CADM1: variants seen among roughly 807,000 people sequenced by gnomAD.
CADM1 encodes the protein cell adhesion molecule 1.
A neutral mutation model predicts 53.1 loss-of-function variants in CADM1; 15 were observed. The ratio of observed to expected loss-of-function variants is 0.28; its 90% confidence interval spans 0.19 to 0.44. The LOEUF (loss-of-function observed/expected upper bound fraction) is 0.44. CADM1 is among the 20% of genes least tolerant of loss of function. The probability of loss-of-function intolerance (pLI) is 1.00; values close to 1 mark genes in which losing one functional copy is unlikely to be tolerated. For missense variants in CADM1, 434 were observed against 611.3 expected (o/e 0.71, Z 3.06); for synonymous variants, 281 against 243.0 (o/e 1.16, Z -1.45).
At chr11:115,381,637 T>C (rs1036355698) in intron 1 of CADM1, among the ~76,000 whole-genome samples, 9 of 152,164 alleles carry the variant, frequency 5.9e-5, no homozygotes, top group Admixed American at 5.9e-4. Context: ...ATTCGGTTGT[T>C]ATAGGGATTA....
At chr11:115,257,971 T>C (rs1024810243) in intron 1 of CADM1, among the ~76,000 whole-genome samples, 1 of 152,202 alleles carries the variant, frequency 6.6e-6, no homozygotes, top group Admixed American at 6.5e-5. Context: ...CCAGGGTCTA[T>C]GCTCTGAGAA....
intron 2 of CADM1, among the ~76,000 whole-genome samples, chr11:115,238,929 C>G (rs1376028441): frequency 6.6e-6 from 1 of 151,984 alleles, no homozygotes; most frequent in African/African-American, 2.4e-5. Flanking sequence ...TCTAACTTGG[C>G]ACAATTCCAA....
intron 1 of CADM1, among the ~76,000 whole-genome samples, chr11:115,401,957 A>C (rs1206394009): frequency 6.6e-6 from 1 of 152,216 alleles, no homozygotes; most frequent in African/African-American, 2.4e-5. Context: ...GCTACAAAAA[A>C]TTAAGTCTTT....
intron 1 of CADM1, among the ~76,000 whole-genome samples, chr11:115,474,426 T>C (rs1003634032): frequency 1.3e-5 from 2 of 150,142 alleles, no homozygotes; most frequent in African/African-American, 4.9e-5. Context: ...CTATTCACAA[T>C]AGCAAAGACT....
intron 1 of CADM1, among the ~76,000 whole-genome samples, chr11:115,244,670 A>T (rs182128227): frequency 1.1e-4 from 17 of 152,178 alleles, no homozygotes; most frequent in Admixed American, 1.1e-3. Flanking sequence ...CACAGCTTGC[A>T]CTCTTTACCA....
chr11:115,454,048 T>C (rs1213527016), intron 1 of CADM1, among the ~76,000 whole-genome samples: 12 of 151,834 alleles, frequency 7.9e-5, no homozygotes, highest in Admixed American at 7.9e-4. Context: ...AAAATGTTCT[T>C]TAAAAAAAAA....
At chr11:115,395,263 A>T (rs1295466617) in intron 1 of CADM1, among the ~76,000 whole-genome samples, 1 of 152,216 alleles carries the variant, frequency 6.6e-6, no homozygotes, top group Non-Finnish European at 1.5e-5. Flanking sequence ...TACAGAAAAC[A>T]AACAAATTCT....
intron 9 of CADM1, among the ~76,000 whole-genome samples, chr11:115,193,170 C>T (rs913437923): frequency 2.0e-5 from 3 of 152,108 alleles, no homozygotes; most frequent in Non-Finnish European, 2.9e-5. Flanking sequence ...AAGACAAAGA[C>T]GTATTTTATG....
chr11:115,356,858 T>C (rs577439115), intron 1 of CADM1, among the ~76,000 whole-genome samples: 1 of 152,318 alleles, frequency 6.6e-6, no homozygotes, highest in Non-Finnish European at 1.5e-5. Context: ...TGAAGAAATA[T>C]ATATATTATT....
chr11:115,297,930 C>T (rs1362056765), intron 1 of CADM1, among the ~76,000 whole-genome samples: 1 of 152,214 alleles, frequency 6.6e-6, no homozygotes, highest in Non-Finnish European at 1.5e-5. Flanking sequence ...TTCATATTTA[C>T]CTCTGGACTG....
At chr11:115,480,301 G>A (rs1191381780) in intron 1 of CADM1, among the ~76,000 whole-genome samples, 1 of 152,148 alleles carries the variant, frequency 6.6e-6, no homozygotes, top group African/African-American at 2.4e-5. Context: ...GAAATTAAGA[G>A]CATTTATAAT....
At chr11:115,276,658 T>C (rs1943454182) in intron 1 of CADM1, among the ~76,000 whole-genome samples, 1 of 152,234 alleles carries the variant, frequency 6.6e-6, no homozygotes, top group Non-Finnish European at 1.5e-5. Context: ...AACTGTCTTA[T>C]ACAATTAAGT....
At chr11:115,433,972 G>A (rs967055095) in intron 1 of CADM1, among the ~76,000 whole-genome samples, 1 of 152,158 alleles carries the variant, frequency 6.6e-6, no homozygotes, top group African/African-American at 2.4e-5. Flanking sequence ...TTATTAACCT[G>A]CCAGCACTTC....
At chr11:115,295,247 G>C (rs1053969418) in intron 1 of CADM1, among the ~76,000 whole-genome samples, 1 of 151,914 alleles carries the variant, frequency 6.6e-6, no homozygotes, top group Non-Finnish European at 1.5e-5. Flanking sequence ...CATTCAACAA[G>C]TTCACGGCAA....
intron 3 of CADM1, 114 bp from the exon 4 acceptor site, chr11:115,231,604 G>T: frequency 1.0e-6 from 1 of 974,462 alleles, no homozygotes; most frequent in South Asian, 1.3e-5. Context: ...ATCACAAGAG[G>T]CGAAAAAGAA....
intron 1 of CADM1, among the ~76,000 whole-genome samples, chr11:115,292,813 C>A (rs1456203246): frequency 1.3e-5 from 2 of 152,294 alleles, no homozygotes; most frequent in East Asian, 3.9e-4. Flanking sequence ...GTGTCTTTTC[C>A]ACTATCCTGA....
At chr11:115,455,905 G>T (rs1449547088) in intron 1 of CADM1, among the ~76,000 whole-genome samples, 3 of 152,182 alleles carry the variant, frequency 2.0e-5, no homozygotes, top group African/African-American at 7.2e-5. Context: ...GGATCCAGAA[G>T]CAACTCCAGG....
chr11:115,370,122 T>C (rs1043904346), intron 1 of CADM1, among the ~76,000 whole-genome samples: 3 of 152,146 alleles, frequency 2.0e-5, no homozygotes, highest in Non-Finnish European at 2.9e-5. Flanking sequence ...TCAAAAAGAA[T>C]TACGGGAACA....
At chr11:115,278,906 A>G (rs1943514953) in intron 1 of CADM1, among the ~76,000 whole-genome samples, 1 of 152,210 alleles carries the variant, frequency 6.6e-6, no homozygotes, top group African/African-American at 2.4e-5. Context: ...GGAAAATGCC[A>G]AGATTGAGTC....
Sources: gnomAD v4.1 joint callset for allele counts (sites outside exome capture counted in the v4.1 genomes callset) on GRCh38, gnomAD v4.1.1 for gene constraint, MANE v1.5 for transcripts, NCBI Gene and HGNC (gene_info 2026-07-23, HGNC 2026-07-21) for gene names.